Variants in CAND2 observed in about 807,000 individuals in gnomAD.
CAND2 encodes the protein cullin-associated NEDD8-dissociated protein 2.
CAND2 carries 62 observed loss-of-function variants against 98.9 expected under a neutral mutation model. That is an observed-to-expected ratio of 0.63 (90% confidence interval 0.51 to 0.77). The LOEUF (loss-of-function observed/expected upper bound fraction) is 0.77. Ranked by LOEUF, CAND2 falls within the 30% of genes least tolerant of loss-of-function variation. CAND2 has a pLI of 0.00. For missense variants in CAND2, 1,501 were observed against 1,655.2 expected (o/e 0.91, Z 1.62); for synonymous variants, 770 against 731.9 (o/e 1.05, Z -0.84).
At chr3:12,821,848 CTGGCGA>C (rs1270003917) in intron 11 of CAND2, among the ~76,000 whole-genome samples, 1 of 152,184 alleles carries the variant, frequency 6.6e-6, no homozygotes, top group African/African-American at 2.4e-5. Flanking sequence ...TGTCCCCTGG[CTGGCGA>C]TGGTAACTTT....
At chr3:12,827,993 A>C (rs1388224341) in intron 13 of CAND2, among the ~76,000 whole-genome samples, 2 of 152,080 alleles carry the variant, frequency 1.3e-5, no homozygotes, top group East Asian at 3.9e-4. Flanking sequence ...AAAAAAAAAA[A>C]AAAAATTCCC....
intron 1 of CAND2, among the ~76,000 whole-genome samples, chr3:12,800,225 C>CAACT (rs1237430793): frequency 6.6e-6 from 1 of 152,232 alleles, no homozygotes; most frequent in Admixed American, 6.5e-5. Context: ...TCTCTCCTAG[C>CAACT]AACTTGTGGC....
rs2061893990 is a variant in CAND2, at chr3:12,815,801, G to C, written c.1300-66G>C. ...GGGGATGTGTCTGGCAAAGCCTCCT[G>C]GTAGTGGGCAGGTGGGTAGGTTTCT... On this transcript the variant is annotated intron_variant, in intron 8 of 14. Coordinates refer to ENST00000456430, the MANE Select transcript of CAND2 (RefSeq NM_001162499.2). The surrounding 1 kb of genome is among the most constrained non-coding windows in gnomAD (Gnocchi z 5.7). 3 of 1,503,312 alleles carry C rather than the reference G, an allele frequency of 2.0e-6. No individual in the cohort carries two copies. The highest frequency in any genetic ancestry group is 2.7e-6 in the Non-Finnish European group (3 of 1,094,402). 93.1% of individuals were successfully genotyped at this position (1,503,312 alleles called of 1,614,324 possible). A position where few individuals can be genotyped will look rare whatever the true frequency, so the allele number is the denominator to read the frequency against.
At chr3:12,830,568 G>A (rs534436551) in intron 13 of CAND2, among the ~76,000 whole-genome samples, 159 of 152,302 alleles carry the variant, frequency 1.0e-3, no homozygotes, top group Middle Eastern at 3.4e-3. Flanking sequence ...CTCCAGGAGC[G>A]CAGGACAGGG....
Position 12,797,051 on chromosome 3 carries a change from C to T in CAND2, c.68+263C>T, listed in dbSNP as rs117722582. ...TCGTCTCCCACCGTGCAGGCTTCAG[C>T]CCTACCTCTCACCCCCGATCAGAGC... On this transcript the variant is annotated intron_variant, in intron 1 of 14. Coordinates refer to ENST00000456430, the MANE Select transcript of CAND2 (RefSeq NM_001162499.2). Among the ~76,000 whole-genome samples, 2,475 of 151,942 alleles carry T rather than the reference C, an allele frequency of 0.016. 81 individuals carry two copies. In the East Asian group the frequency reaches 0.16, roughly 10 times the overall value.
Position 12,821,475 on chromosome 3 carries a change from C to G in CAND2, c.3040+1294C>G, listed in dbSNP as rs562288409. Among the ~76,000 whole-genome samples the G allele has an allele frequency of 3.3e-5, 5 of 152,312 alleles. No individual in the cohort carries two copies. In the East Asian group the frequency reaches 7.7e-4, roughly 24 times the overall value. On this transcript the variant is annotated intron_variant, in intron 11 of 14. Coordinates refer to ENST00000456430, the MANE Select transcript of CAND2 (RefSeq NM_001162499.2). ...CTGTTATGTGGGACCAAGGGGCCAGCAGACGTGACCGTGTTCTGCACTGGA... is the reference window on the plus strand; with the variant it reads ...CTGTTATGTGGGACCAAGGGGCCAGGAGACGTGACCGTGTTCTGCACTGGA...
chr3:12,797,294 C>A (rs909365600), intron 1 of CAND2, among the ~76,000 whole-genome samples: 1 of 151,698 alleles, frequency 6.6e-6, no homozygotes, highest in African/African-American at 2.4e-5. Flanking sequence ...CAACCCCCAG[C>A]TGACTTTCTC....
At position 12,796,688 on chromosome 3, in the gene CAND2, T is replaced by G. The variant is rs1361665106; in HGVS notation, c.-33T>G. ...GGGGCGCCCGCGCCGCCATATTCCC[T>G]CCCGCCGGCCGGCTCCGCGGCGCGC... On this transcript the variant is annotated 5_prime_UTR_variant, in exon 1 of 15. Coordinates refer to ENST00000456430, the MANE Select transcript of CAND2 (RefSeq NM_001162499.2). The G allele has an allele frequency of 1.3e-6, 2 of 1,556,742 alleles. No homozygotes were observed. The highest frequency in any genetic ancestry group is 2.4e-5 in the East Asian group (1 of 41,574).
intron 11 of CAND2, among the ~76,000 whole-genome samples, chr3:12,824,505 G>T (rs1357067583): frequency 6.6e-6 from 1 of 152,148 alleles, no homozygotes; most frequent in Admixed American, 6.5e-5. Flanking sequence ...CTGTAGTGAC[G>T]GCATTAATCC....
In CAND2 at chr3:12,820,115, A is replaced by G; in HGVS notation, c.2974A>G (p.Thr992Ala). Residue 992 changes from threonine to alanine, a missense_variant, in exon 11 of 15, where the codon ACA becomes GCA. Transcript: ENST00000456430. ...GCCACACACCCGGAGCACCGTCATC[A>G]CAGCGGTCAAGTTCCTTATCTCGGA... Reference protein sequence around the residue: ...GRPHTRSTVITAVKFLISDQP... With the variant: ...GRPHTRSTVIAAVKFLISDQP... 6.2e-7 allele frequency: 1 copy of G among 1,614,164 alleles called. No homozygotes were observed. Among genetic ancestry groups the G allele is most frequent in the South Asian group, 1.1e-5 (1 of 91,080 alleles).
chr3:12,819,856 G>A (rs1380435726), intron 10 of CAND2, among the ~76,000 whole-genome samples: 1 of 152,230 alleles, frequency 6.6e-6, no homozygotes. Flanking sequence ...TTTGCAGCCT[G>A]TGGTGTTACC....
intron 11 of CAND2, among the ~76,000 whole-genome samples, chr3:12,824,996 C>G (rs1158715520): frequency 6.6e-6 from 1 of 152,236 alleles, no homozygotes; most frequent in Admixed American, 6.5e-5. Flanking sequence ...AGTTTCTTGA[C>G]CTCTCTGATC....
In CAND2 at chr3:12,807,367, T is replaced by C. The variant is rs1202479246; in HGVS notation, c.274T>C (p.Cys92Arg). The C allele has an allele frequency of 6.4e-7, 1 of 1,551,576 alleles. No individual in the cohort carries two copies. The highest frequency in any genetic ancestry group is 1.4e-5 in the African/African-American group (1 of 73,022). The change falls in exon 3 of 15, where the codon TGC (cysteine) becomes CGC (arginine). Residue 92 changes from cysteine (C) to arginine (R), a missense_variant. Transcript: ENST00000456430. ...GGTGGAGACCATTGTGGACACCCTG[T>C]GCACCAACATGCGGTCAGACAAGGA... ...YQVETIVDTL[C>R]TNMRSDKEQL...
Position 12,804,770 on chromosome 3 carries a change from G to A in CAND2, c.212+1139G>A, listed in dbSNP as rs538612655. On this transcript the variant is annotated intron_variant, in intron 2 of 14. Coordinates refer to ENST00000456430, the MANE Select transcript of CAND2 (RefSeq NM_001162499.2). ...AGGGACAACAGGGTGAGAGAATTGG[G>A]CACTGTCTCTCAAACCACTGTCTGT... Among the ~76,000 whole-genome samples, 207 of 152,238 alleles carry A rather than the reference G, an allele frequency of 1.4e-3. 1 individual carries two copies. Among genetic ancestry groups the A allele is most frequent in the African/African-American group, 4.6e-3 (191 of 41,540 alleles).
rs75508799 is a variant in CAND2, at chr3:12,827,324, G to A, written c.3211-116G>A. ...AAGGCATGGAGACTTGAGAGTATAA[G>A]GCACGATTTGGGGCTGGCATGGATT... On this transcript the variant is annotated intron_variant, in intron 12 of 14. Coordinates refer to ENST00000456430, the MANE Select transcript of CAND2 (RefSeq NM_001162499.2). 4.1e-3 allele frequency: 3,930 copies of A among 947,616 alleles called. 119 individuals are homozygous for A. The African/African-American group carries it at 0.057, about 14-fold the overall frequency. The allele number at this position is 947,616 out of a possible 1,614,324, so 58.7% of individuals were successfully genotyped here. A position where few individuals can be genotyped will look rare whatever the true frequency, so the allele number is the denominator to read the frequency against.
intron 11 of CAND2, among the ~76,000 whole-genome samples, chr3:12,823,393 C>T (rs893785200): frequency 1.3e-5 from 2 of 151,148 alleles, no homozygotes; most frequent in Non-Finnish European, 2.9e-5. Flanking sequence ...GAGTTCCAGA[C>T]CAGCCTGGCA....
chr3:12,820,611 G>A (rs931366079), intron 11 of CAND2, among the ~76,000 whole-genome samples: 9 of 152,150 alleles, frequency 5.9e-5, no homozygotes, highest in Non-Finnish European at 7.4e-5. Flanking sequence ...GCTCCCCCCG[G>A]CCCCGCCTGT....
chr3:12,827,402 C>A, intron 12 of CAND2, 38 bp from the exon 13 acceptor site: 1 of 1,591,288 alleles, frequency 6.3e-7, no homozygotes, highest in African/African-American at 1.4e-5. Flanking sequence ...TGTCCTTACA[C>A]CCTGGGGCCA....
intron 11 of CAND2, among the ~76,000 whole-genome samples, chr3:12,821,958 T>C (rs949504595): frequency 3.3e-5 from 5 of 152,204 alleles, no homozygotes; most frequent in Non-Finnish European, 7.3e-5. Context: ...TTTGAGTACA[T>C]AAAATAAGTA....
Sources: allele counts gnomAD v4.1 joint callset (sites outside exome capture counted in the v4.1 genomes callset), GRCh38; gene constraint gnomAD v4.1.1; non-coding constraint Gnocchi (gnomAD v3.1); transcripts MANE v1.5; gene names NCBI Gene and HGNC (gene_info 2026-07-23, HGNC 2026-07-21).